Variants in CNTNAP2 observed in about 807,000 individuals in gnomAD.
CNTNAP2 encodes the protein contactin associated protein 2, also known as contactin-associated protein-like 2.
CNTNAP2 carries 98 observed loss-of-function variants against 155.2 expected under a neutral mutation model. The observed-to-expected ratio is 0.63, with a 90% CI of 0.54 to 0.75. The LOEUF (loss-of-function observed/expected upper bound fraction) is 0.75, where lower values mean the gene tolerates loss of function less well. CNTNAP2 is among the 30% of genes least tolerant of loss of function. CNTNAP2 has a pLI of 0.00. For missense variants in CNTNAP2, 1,727 were observed against 1,688.1 expected (o/e 1.02, Z -0.40); for synonymous variants, 651 against 631.2 (o/e 1.03, Z -0.47).
chr7:148,365,789 T>C (rs372351316), intron 21 of CNTNAP2, among the ~76,000 whole-genome samples: 4,308 of 90,290 alleles, frequency 0.048, 1,553 homozygotes, highest in African/African-American at 0.063. Context: ...TGTGTATGCA[T>C]GTATACATGC....
intron 1 of CNTNAP2, among the ~76,000 whole-genome samples, chr7:146,333,484 A>G (rs1801219802): frequency 6.6e-6 from 1 of 152,208 alleles, no homozygotes; most frequent in Non-Finnish European, 1.5e-5. Context: ...GTAAGAATTA[A>G]GTATGTTAAC....
At chr7:146,490,244 A>G (rs767082364) in intron 1 of CNTNAP2, among the ~76,000 whole-genome samples, 4 of 152,230 alleles carry the variant, frequency 2.6e-5, no homozygotes, top group Non-Finnish European at 5.9e-5. Flanking sequence ...TATATTTTAT[A>G]TATCTCAGAC....
chr7:146,875,952 A>C (rs1214454864), intron 3 of CNTNAP2, among the ~76,000 whole-genome samples: 26 of 149,258 alleles, frequency 1.7e-4, no homozygotes, highest in South Asian at 1.0e-3. Context: ...AAAAAAAAAA[A>C]AAAAAAAAAC....
chr7:147,446,898 C>T lies in CNTNAP2; in HGVS notation c.1671-39037C>T, dbSNP rs1253706145. Reference sequence around the variant, plus strand: ...GATAAGAAAATCAAGGTCAGTGTGACTAAAGAAGAGTTAAAGAGAGGACTA... The same window carrying T: ...GATAAGAAAATCAAGGTCAGTGTGATTAAAGAAGAGTTAAAGAGAGGACTA... On this transcript the variant is annotated intron_variant, in intron 10 of 23. Transcript: ENST00000361727. Among the ~76,000 whole-genome samples, 7 of 152,140 alleles carry T rather than the reference C, an allele frequency of 4.6e-5. No homozygotes were observed. The East Asian group carries it at 1.4e-3, about 29-fold the overall frequency.
chr7:147,161,298 A>G (rs1802018599), intron 8 of CNTNAP2, among the ~76,000 whole-genome samples: 1 of 152,178 alleles, frequency 6.6e-6, no homozygotes, highest in African/African-American at 2.4e-5. Flanking sequence ...AGAATGTGGG[A>G]TAAGGATAAG....
At chr7:147,934,158 A>C (rs560857960) in intron 14 of CNTNAP2, among the ~76,000 whole-genome samples, 1 of 152,344 alleles carries the variant, frequency 6.6e-6, no homozygotes, top group African/African-American at 2.4e-5. Context: ...CTGTACACTT[A>C]AAAATTTGAG....
chr7:146,991,741 GA>G (rs1290068258), intron 3 of CNTNAP2, among the ~76,000 whole-genome samples: 1 of 152,084 alleles, frequency 6.6e-6, no homozygotes, highest in Admixed American at 6.6e-5. Flanking sequence ...AATGAATCAA[GA>G]AAAATGCTGA....
rs545996602 is a variant in CNTNAP2, at chr7:146,482,718, G to A, written c.98-291553G>A. ...AGATCACGCCACTGCACTCCAGCCC[G>A]GTGACAGAGCAAGACTGTCTCAAAA... On this transcript the variant is annotated intron_variant, in intron 1 of 23. Transcript: ENST00000361727. 7.9e-5 allele frequency among the ~76,000 whole-genome samples: 12 copies of A among 151,454 alleles called. No individual in the cohort carries two copies. In the East Asian group the frequency reaches 1.2e-3, roughly 15 times the overall value.
intron 1 of CNTNAP2, among the ~76,000 whole-genome samples, chr7:146,151,237 A>G (rs1391995098): frequency 6.6e-6 from 1 of 152,074 alleles, no homozygotes; most frequent in African/African-American, 2.4e-5. Flanking sequence ...GCCTAACCAT[A>G]TCATTCTCTT....
At chr7:146,865,413 C>T (rs1342702162) in intron 3 of CNTNAP2, among the ~76,000 whole-genome samples, 1 of 151,856 alleles carries the variant, frequency 6.6e-6, no homozygotes, top group African/African-American at 2.4e-5. Flanking sequence ...TTACTATAAA[C>T]TTATAATAAA....
chr7:147,218,858 T>C (rs916813109), intron 8 of CNTNAP2, among the ~76,000 whole-genome samples: 1 of 152,246 alleles, frequency 6.6e-6, no homozygotes, highest in Non-Finnish European at 1.5e-5. Context: ...ATTTATCTAT[T>C]TCTCTTGCAA....
chr7:146,719,947 T>A, intron 1 of CNTNAP2, among the ~76,000 whole-genome samples: 1 of 152,080 alleles, frequency 6.6e-6, no homozygotes, highest in South Asian at 2.1e-4. Context: ...ACCCAAATGT[T>A]GAAGCATTGA....
At chr7:147,473,208 A>G (rs188907165) in intron 10 of CNTNAP2, among the ~76,000 whole-genome samples, 49 of 152,330 alleles carry the variant, frequency 3.2e-4, no homozygotes, top group Admixed American at 2.8e-3. Flanking sequence ...TGAATCTTTC[A>G]AGGAGTTTGT....
At chr7:146,356,428 A>G (rs10241966) in intron 1 of CNTNAP2, among the ~76,000 whole-genome samples, 72,986 of 151,904 alleles carry the variant, frequency 0.48, 20,329 homozygotes, top group African/African-American at 0.77. Flanking sequence ...CCTGTGGATA[A>G]GTTCTTCTTC....
At chr7:146,550,916 G>A (rs1798112153) in intron 1 of CNTNAP2, among the ~76,000 whole-genome samples, 2 of 152,018 alleles carry the variant, frequency 1.3e-5, no homozygotes, top group Non-Finnish European at 2.9e-5. Context: ...AATACACTAA[G>A]GCCCAGACAG....
chr7:146,673,156 C>T lies in CNTNAP2; in HGVS notation c.98-101115C>T, dbSNP rs11976716. Among the ~76,000 whole-genome samples the T allele has an allele frequency of 6.7e-3, 1,015 of 152,136 alleles. 6 individuals are homozygous for T. Among genetic ancestry groups the T allele is most frequent in the African/African-American group, 0.022 (924 of 41,516 alleles). ...TGATATTCAAATAACCTTCATTGGTCTTGATACTTTTATAATTTTCATTTC... is the reference window on the plus strand; with the variant it reads ...TGATATTCAAATAACCTTCATTGGTTTTGATACTTTTATAATTTTCATTTC... On this transcript the variant is annotated intron_variant, in intron 1 of 23. Coordinates refer to ENST00000361727, the MANE Select transcript of CNTNAP2 (RefSeq NM_014141.6).
chr7:147,540,408 C>A (rs1376845962), intron 11 of CNTNAP2, among the ~76,000 whole-genome samples: 2 of 152,182 alleles, frequency 1.3e-5, no homozygotes, highest in Non-Finnish European at 2.9e-5. Flanking sequence ...CACATTTGTT[C>A]TGTTTAGTTA....
intron 1 of CNTNAP2, among the ~76,000 whole-genome samples, chr7:146,285,405 A>G (rs371589746): frequency 5.9e-5 from 9 of 152,132 alleles, no homozygotes; most frequent in African/African-American, 1.9e-4. Flanking sequence ...TGAATCAGGC[A>G]TAAAGAATTT....
At chr7:147,225,811 G>GA (rs1803516929) in intron 8 of CNTNAP2, among the ~76,000 whole-genome samples, 3 of 141,204 alleles carry the variant, frequency 2.1e-5, no homozygotes, top group Non-Finnish European at 4.6e-5. Flanking sequence ...AAGAAAGAAA[G>GA]AAGGAAAGAA....
Sources: gnomAD v4.1 joint callset for allele counts (sites outside exome capture counted in the v4.1 genomes callset) on GRCh38, gnomAD v4.1.1 for gene constraint, MANE v1.5 for transcripts, NCBI Gene and HGNC (gene_info 2026-07-23, HGNC 2026-07-21) for gene names.